The following ULK4 variants were observed in gnomAD, a reference collection of about 807,000 sequenced individuals.
ULK4 encodes the protein unc-51 like kinase 4.
Under a neutral mutation model 160.6 loss-of-function variants are expected in ULK4, and 133 were observed. The ratio of observed to expected loss-of-function variants is 0.83; its 90% CI spans 0.72 to 0.96. The LOEUF is 0.96. ULK4 is among the 40% of genes least tolerant of loss of function. ULK4 has a pLI of 0.00. For missense variants in ULK4, 1,580 were observed against 1,499.5 expected (o/e 1.05, Z -0.89); for synonymous variants, 534 against 539.8 (o/e 0.99, Z 0.15).
intron 22 of ULK4, among the ~76,000 whole-genome samples, chr3:41,727,312 G>T (rs891342525): frequency 6.6e-6 from 1 of 152,180 alleles, no homozygotes; most frequent in Non-Finnish European, 1.5e-5. Flanking sequence ...TCTACTATGT[G>T]CTAAGTATTT....
chr3:41,836,069 T>C (rs2041748628), intron 17 of ULK4, 98 bp from the exon 18 acceptor site: 3 of 743,012 alleles, frequency 4.0e-6, no homozygotes, highest in East Asian at 2.8e-5. Context: ...AAAGTCACCA[T>C]TTTTAAGAAC....
At chr3:41,398,770 C>T (rs993526821) in intron 34 of ULK4, among the ~76,000 whole-genome samples, 3 of 151,794 alleles carry the variant, frequency 2.0e-5, no homozygotes, top group Non-Finnish European at 2.9e-5. Context: ...ATCAGAAGGT[C>T]CTATATTCTT....
rs748233948 is a variant in ULK4, at chr3:41,790,119, TTTAA to T, written c.2011-280_2011-277del. ...ATAAGCCTATATAGAAAAATGTCCCTTTAATTAATAAAACACATTATCAAACACC... is the reference window on the plus strand; with the variant it reads ...ATAAGCCTATATAGAAAAATGTCCCTTTAATAAAACACATTATCAAACACC... On this transcript the variant is annotated intron_variant, in intron 20 of 36. Coordinates refer to ENST00000301831, the MANE Select transcript of ULK4 (RefSeq NM_017886.4). Among the ~76,000 whole-genome samples, 15 of 152,342 alleles carry T rather than the reference TTTAA, an allele frequency of 9.8e-5. No individual in the cohort carries two copies. The East Asian group carries it at 1.7e-3, about 18-fold the overall frequency.
At chr3:41,277,993 C>A (rs1226704660) in intron 35 of ULK4, 2 of 152,314 alleles carry the variant, frequency 1.3e-5, no homozygotes, top group African/African-American at 4.8e-5. Flanking sequence ...CGGGGTGTCG[C>A]CTCACCTGGG....
intron 35 of ULK4, among the ~76,000 whole-genome samples, chr3:41,283,192 T>A (rs2079393013): frequency 6.6e-6 from 1 of 152,234 alleles, no homozygotes; most frequent in South Asian, 2.1e-4. Context: ...GCTTTTACAC[T>A]GTTGGTGGGA....
Position 41,663,641 on chromosome 3 carries a change from C to G in ULK4, c.3037G>C (p.Val1013Leu). Residue 1013 changes from valine to leucine, a missense_variant, in exon 30 of 37, where the codon GTC becomes CTC. Val to Leu is a conservative substitution (Grantham distance 32, BLOSUM62 1). Coordinates refer to ENST00000301831, the MANE Select transcript of ULK4 (RefSeq NM_017886.4). ...PVPAYALKLLVAMTEHNPTFT... is the reference protein window; with the variant it reads ...PVPAYALKLLLAMTEHNPTFT... ...GTTGGGTTGTGTTCAGTCATCGCGA[C>G]TAGCAGTTTCAGAGCATATGCTGGT... The G allele has an allele frequency of 6.2e-7, 1 of 1,613,942 alleles. No individual in the cohort carries two copies. The highest frequency in any genetic ancestry group is 8.5e-7 in the Non-Finnish European group (1 of 1,179,892).
Position 41,814,332 on chromosome 3 carries a change from T to C in ULK4, c.1848+5091A>G, listed in dbSNP as rs559243777. 3.8e-4 allele frequency among the ~76,000 whole-genome samples: 58 copies of C among 152,300 alleles called. 1 individual carries two copies. The highest frequency in any genetic ancestry group is 1.3e-3 in the African/African-American group (54 of 41,548). ...TCATTTAGTATCTGCCTTTCTGGCC[T>C]TTTACTTTTTATTATTGTTTTTAGT... is the stretch of plus-strand genomic sequence containing the variant. On this transcript the variant is annotated intron_variant, in intron 19 of 36. Transcript: ENST00000301831.
At chr3:41,491,138 A>T (rs2084744168) in intron 32 of ULK4, among the ~76,000 whole-genome samples, 1 of 152,228 alleles carries the variant, frequency 6.6e-6, no homozygotes, top group South Asian at 2.1e-4. Flanking sequence ...TGAGGGACAC[A>T]GAGGCAGACG....
intron 32 of ULK4, among the ~76,000 whole-genome samples, chr3:41,469,277 G>A (rs2083911246): frequency 6.6e-6 from 1 of 152,110 alleles, no homozygotes; most frequent in Admixed American, 6.5e-5. Flanking sequence ...AATGAACATA[G>A]CAGCTGCTCC....
At chr3:41,817,569 T>C (rs562873449) in intron 19 of ULK4, among the ~76,000 whole-genome samples, 8 of 152,132 alleles carry the variant, frequency 5.3e-5, no homozygotes, top group South Asian at 2.1e-4. Context: ...AGAACTAACA[T>C]TGGGTACACA....
In ULK4 at chr3:41,498,420, G is replaced by C. The variant is rs539062608; in HGVS notation, c.3227-35167C>G. Among the ~76,000 whole-genome samples the C allele has an allele frequency of 3.9e-5, 6 of 152,196 alleles. No individual in the cohort carries two copies. The East Asian group carries it at 1.2e-3, about 29-fold the overall frequency. Reference sequence around the variant, plus strand: ...AGCTTAAATACTGGAAATGAAGAAAGCTTTAAAACCAATTCTATAAATTCT... The same window carrying C: ...AGCTTAAATACTGGAAATGAAGAAACCTTTAAAACCAATTCTATAAATTCT... On this transcript the variant is annotated intron_variant, in intron 32 of 36. Coordinates refer to ENST00000301831, the MANE Select transcript of ULK4 (RefSeq NM_017886.4).
intron 19 of ULK4, among the ~76,000 whole-genome samples, chr3:41,804,151 T>G (rs112242054): frequency 0.12 from 17,620 of 151,258 alleles, 1,232 homozygotes; most frequent in Middle Eastern, 0.26. Flanking sequence ...GCACCTGTTG[T>G]TTCCTGACTT....
At chr3:41,835,227 A>G (rs911983579) in intron 18 of ULK4, among the ~76,000 whole-genome samples, 13 of 152,170 alleles carry the variant, frequency 8.5e-5, no homozygotes, top group Admixed American at 7.9e-4. Context: ...ACAAAGAAAT[A>G]CAATGACATA....
intron 30 of ULK4, among the ~76,000 whole-genome samples, chr3:41,657,818 T>TTAAAAAAAAAA: frequency 1.0e-5 from 1 of 99,730 alleles, no homozygotes; most frequent in South Asian, 3.1e-4. Flanking sequence ...TCCATCTCAT[T>TTAAAAAAAAAA]AAAAAAAAAA....
chr3:41,503,975 C>A (rs1289696768), intron 32 of ULK4, among the ~76,000 whole-genome samples: 1 of 152,090 alleles, frequency 6.6e-6, no homozygotes, highest in Admixed American at 6.6e-5. Flanking sequence ...TTGGTTGAAT[C>A]AAAATATACA....
Position 41,535,893 on chromosome 3 carries a change from C to T in ULK4, c.3226+30132G>A, listed in dbSNP as rs1198041810. Among the ~76,000 whole-genome samples, 2 of 152,152 alleles carry T rather than the reference C, an allele frequency of 1.3e-5. 1 individual carries two copies. Among genetic ancestry groups the T allele is most frequent in the East Asian group, 3.9e-4 (2 of 5,188 alleles). On this transcript the variant is annotated intron_variant, in intron 32 of 36. Coordinates refer to ENST00000301831, the MANE Select transcript of ULK4 (RefSeq NM_017886.4). Reference sequence around the variant, plus strand: ...TACTCCTGCCTAGGAAGCCCCATACCCTTCCTTGCCCCACCAGATTCACAG... The same window carrying T: ...TACTCCTGCCTAGGAAGCCCCATACTCTTCCTTGCCCCACCAGATTCACAG...
At chr3:41,860,286 T>C (rs1010455644) in intron 17 of ULK4, among the ~76,000 whole-genome samples, 1 of 152,196 alleles carries the variant, frequency 6.6e-6, no homozygotes. Flanking sequence ...TTTGTTGATT[T>C]TCTGTCTGGG....
At chr3:41,449,862 G>A (rs1224942063) in intron 34 of ULK4, among the ~76,000 whole-genome samples, 1 of 148,276 alleles carries the variant, frequency 6.7e-6, no homozygotes, top group Non-Finnish European at 1.5e-5. Flanking sequence ...ATGTTCAGGC[G>A]ACAGCTTGGT....
chr3:41,673,300 T>A (rs761473747), intron 29 of ULK4, among the ~76,000 whole-genome samples: 1 of 152,144 alleles, frequency 6.6e-6, no homozygotes, highest in African/African-American at 2.4e-5. Flanking sequence ...ACCACCCCGA[T>A]GTCCTTTGAG....
Sources: gnomAD v4.1 joint callset for allele counts (sites outside exome capture counted in the v4.1 genomes callset) on GRCh38, gnomAD v4.1.1 for gene constraint, MANE v1.5 for transcripts, NCBI Gene and HGNC (gene_info 2026-07-23, HGNC 2026-07-21) for gene names.